STIM1: variants seen among roughly 807,000 people sequenced by gnomAD.
The protein encoded by STIM1 is stromal interaction molecule 1.
STIM1 carries 25 observed loss-of-function variants against 74.7 expected under a neutral mutation model. The ratio of observed to expected loss-of-function variants is 0.33; its 90% CI spans 0.24 to 0.47. The LOEUF (loss-of-function observed/expected upper bound fraction) is 0.47, where lower values mean the gene tolerates loss of function less well. Ranked by LOEUF, STIM1 falls within the 20% of genes least tolerant of loss-of-function variation. The pLI is 1.00. For synonymous variants in STIM1, 328 were observed against 348.8 expected (o/e 0.94, Z 0.66); for missense variants, 728 against 920.8 (o/e 0.79, Z 2.71).
At chr11:3,994,463 C>CTTTTTT (rs56255114) in intron 2 of STIM1, among the ~76,000 whole-genome samples, 2 of 134,386 alleles carry the variant, frequency 1.5e-5, no homozygotes, top group Non-Finnish European at 1.6e-5. Flanking sequence ...CTTTTTCTTT[C>CTTTTTT]TTTTTTTTTT....
rs535010364 is a variant in STIM1, at chr11:3,894,697, A to G, written c.139+38288A>G. On this transcript the variant is annotated intron_variant, in intron 1 of 12. Coordinates refer to ENST00000526596, the MANE Select transcript of STIM1 (RefSeq NM_001382567.1). ...CTAGGAATCATGAGCTGATAACCTC[A>G]GGACAAAGAATGAAGGGTATCTTGT... Among the ~76,000 whole-genome samples the G allele has an allele frequency of 5.3e-5, 8 of 152,214 alleles. No homozygotes were observed. The South Asian group carries it at 1.7e-3, about 32-fold the overall frequency.
intron 3 of STIM1, 48 bp from the exon 4 acceptor site, chr11:4,055,478 C>A: frequency 7.2e-7 from 1 of 1,390,668 alleles, no homozygotes. Flanking sequence ...CAAATGAAAG[C>A]AGTGCTTGGC....
chr11:3,933,837 G>T (rs2092901015), intron 1 of STIM1, among the ~76,000 whole-genome samples: 1 of 152,184 alleles, frequency 6.6e-6, no homozygotes, highest in Non-Finnish European at 1.5e-5. Flanking sequence ...GCATTCTCAG[G>T]AAGACGGAAG....
At chr11:3,865,706 A>G (rs888313909) in intron 1 of STIM1, among the ~76,000 whole-genome samples, 7 of 152,158 alleles carry the variant, frequency 4.6e-5, no homozygotes, top group Non-Finnish European at 1.0e-4. Flanking sequence ...CTTATGTTGT[A>G]TGTCTCACCA....
chr11:3,907,298 A>G (rs1265892072), intron 1 of STIM1, among the ~76,000 whole-genome samples: 1 of 152,202 alleles, frequency 6.6e-6, no homozygotes, highest in Non-Finnish European at 1.5e-5. Context: ...ACTATCATCT[A>G]TTTATTGACA....
chr11:3,960,216 A>G (rs758308057), intron 1 of STIM1, among the ~76,000 whole-genome samples: 4 of 152,156 alleles, frequency 2.6e-5, no homozygotes, highest in Non-Finnish European at 5.9e-5. Context: ...AACTATGGTT[A>G]TTCAGTATTT....
intron 2 of STIM1, among the ~76,000 whole-genome samples, chr11:4,020,982 C>T (rs1322536668): frequency 2.0e-5 from 3 of 151,826 alleles, no homozygotes; most frequent in East Asian, 1.9e-4. Flanking sequence ...TTGAGTTGTT[C>T]GAGTTCCTTA....
chr11:4,069,432 C>G (rs2094389705), intron 5 of STIM1, among the ~76,000 whole-genome samples: 1 of 152,098 alleles, frequency 6.6e-6, no homozygotes, highest in African/African-American at 2.4e-5. Flanking sequence ...TCATGCTATC[C>G]TGTTCTAGAG....
chr11:3,932,874 A>T (rs946288294), intron 1 of STIM1, among the ~76,000 whole-genome samples: 1 of 152,044 alleles, frequency 6.6e-6, no homozygotes, highest in Non-Finnish European at 1.5e-5. Flanking sequence ...TGCCCTGTCT[A>T]TGGTATTTTT....
In STIM1 at chr11:4,092,289, G is replaced by T. The variant is rs1459604480; in HGVS notation, c.*491G>T. On this transcript the variant is annotated 3_prime_UTR_variant, in exon 13 of 13. Transcript: ENST00000526596. ...ACTCACAGTGGTTCTGTTTGCTCCA[G>T]ACTGGGGCTAGGGCCTAATCTTTGA... 6 of 211,296 alleles carry T rather than the reference G, an allele frequency of 2.8e-5. No homozygotes were observed. The East Asian group carries it at 6.3e-4, about 22-fold the overall frequency. 13.1% of individuals were successfully genotyped at this position (211,296 alleles called of 1,614,324 possible).
chr11:3,948,146 A>G (rs994940977), intron 1 of STIM1, among the ~76,000 whole-genome samples: 2 of 152,170 alleles, frequency 1.3e-5, no homozygotes, highest in Non-Finnish European at 2.9e-5. Flanking sequence ...GGAGACTTAT[A>G]GGGCGCGGAG....
In STIM1 at chr11:4,091,356, A is replaced by C. The variant is rs765543495; in HGVS notation, c.1709A>C (p.Gln570Pro). The C allele has an allele frequency of 1.9e-6, 3 of 1,614,214 alleles. No homozygotes were observed. The highest frequency in any genetic ancestry group is 1.1e-5 in the South Asian group (1 of 91,086). Reference protein sequence around the residue: ...DRQRVAPKPPQMSRAADEALN... With the variant: ...DRQRVAPKPPPMSRAADEALN... ...CAGCGTGTGGCCCCCAAACCTCCTC[A>C]GATGAGCCGTGCTGCAGACGAGGCT... The change falls in exon 13 of 13, where the codon CAG becomes CCG. Residue 570 changes from glutamine (Q) to proline (P), a missense_variant. Transcript: ENST00000526596.
intron 1 of STIM1, chr11:3,867,073 A>T (rs1250549062): frequency 6.6e-6 from 1 of 152,172 alleles, no homozygotes; most frequent in African/African-American, 2.4e-5. Context: ...GAGGGAGAAT[A>T]CCAAGTACTT....
chr11:3,895,381 G>A (rs2092030500), intron 1 of STIM1, among the ~76,000 whole-genome samples: 1 of 152,132 alleles, frequency 6.6e-6, no homozygotes, highest in Non-Finnish European at 1.5e-5. Flanking sequence ...ACATTTCTAT[G>A]CAGTGTGGTT....
At chr11:3,983,301 A>G (rs2135809570) in intron 2 of STIM1, among the ~76,000 whole-genome samples, 1 of 152,292 alleles carries the variant, frequency 6.6e-6, no homozygotes, top group African/African-American at 2.4e-5. Flanking sequence ...CTGAAGTACC[A>G]TGGTTGCTGG....
intron 2 of STIM1, among the ~76,000 whole-genome samples, chr11:3,979,214 T>A (rs1444431625): frequency 1.3e-5 from 2 of 152,160 alleles, no homozygotes; most frequent in African/African-American, 2.4e-5. Context: ...TTCCCTTTTG[T>A]GCTCTGGGCC....
intron 2 of STIM1, among the ~76,000 whole-genome samples, chr11:3,984,445 G>T (rs1311598528): frequency 6.6e-6 from 1 of 152,138 alleles, no homozygotes; most frequent in African/African-American, 2.4e-5. Context: ...CACCATGAAT[G>T]ACATAATTTT....
chr11:3,868,310 A>G (rs1052755726), intron 1 of STIM1: 1 of 152,342 alleles, frequency 6.6e-6, no homozygotes, highest in African/African-American at 2.4e-5. Context: ...TTTATTGAGC[A>G]CCTTTGTAGG....
At chr11:3,892,706 A>G (rs1432895781) in intron 1 of STIM1, 1 of 1,612,956 alleles carries the variant, frequency 6.2e-7, no homozygotes, top group Non-Finnish European at 8.5e-7. Context: ...ACCCTGACAC[A>G]TAAACCCTGG....
Sources: allele counts gnomAD v4.1 joint callset (sites outside exome capture counted in the v4.1 genomes callset), GRCh38; gene constraint gnomAD v4.1.1; transcripts MANE v1.5; gene names NCBI Gene and HGNC (gene_info 2026-07-23, HGNC 2026-07-21).